CYRIA: variants seen among roughly 807,000 people sequenced by gnomAD.
CYRIA encodes CYFIP-related Rac1 interactor A.
A neutral mutation model predicts 43.9 loss-of-function variants in CYRIA; 15 were observed. The observed-to-expected ratio is 0.34, with a 90% CI of 0.23 to 0.53. CYRIA has a LOEUF of 0.53. CYRIA is among the 20% of genes least tolerant of loss of function. The pLI is 0.94. For missense variants in CYRIA, 236 were observed against 394.2 expected, an observed-to-expected ratio of 0.60 and a Z score of 3.40; for synonymous variants, 117 against 136.0, an observed-to-expected ratio of 0.86 and a Z score of 0.97.
intron 3 of CYRIA, among the ~76,000 whole-genome samples, chr2:16,575,626 C>A (rs6720009): frequency 6.6e-6 from 1 of 151,940 alleles, no homozygotes; most frequent in Admixed American, 6.6e-5. Context: ...GAGGCCGAGG[C>A]GGGCGGATCA....
At chr2:16,665,629 C>T (rs564271503) in intron 1 of CYRIA, among the ~76,000 whole-genome samples, 151 bp downstream of exon 1, 75 of 151,666 alleles carry the variant, frequency 4.9e-4, no homozygotes, top group African/African-American at 1.8e-3. Flanking sequence ...CCCTCCCTCC[C>T]AAAGGCTGCA....
At chr2:16,630,471 G>A (rs992975789) in intron 1 of CYRIA, among the ~76,000 whole-genome samples, 1 of 152,144 alleles carries the variant, frequency 6.6e-6, no homozygotes, top group African/African-American at 2.4e-5. Flanking sequence ...TCCCAAGGCT[G>A]TAGTTTAACA....
intron 2 of CYRIA, among the ~76,000 whole-genome samples, chr2:16,591,815 A>G (rs1667941331): frequency 6.6e-6 from 1 of 152,084 alleles, no homozygotes; most frequent in African/African-American, 2.4e-5. Context: ...TGAGTTTATT[A>G]CTTAAATATA....
chr2:16,559,075 A>G (rs1572454614), intron 10 of CYRIA, among the ~76,000 whole-genome samples: 1 of 152,202 alleles, frequency 6.6e-6, no homozygotes, highest in Middle Eastern at 3.4e-3. Flanking sequence ...GTAATTTGGG[A>G]TTTGACCATA....
intron 3 of CYRIA, among the ~76,000 whole-genome samples, chr2:16,576,162 A>T (rs1480356609): frequency 6.6e-6 from 1 of 152,194 alleles, no homozygotes; most frequent in Non-Finnish European, 1.5e-5. Flanking sequence ...GGATTCAACG[A>T]TATAGTTCCT....
intron 1 of CYRIA, among the ~76,000 whole-genome samples, chr2:16,663,150 A>G (rs746649070): frequency 3.3e-5 from 5 of 152,208 alleles, no homozygotes; most frequent in Admixed American, 6.5e-5. Flanking sequence ...AGATCTCCCA[A>G]TAGAACTAGG....
chr2:16,582,371 C>T (rs1334398102), intron 3 of CYRIA, among the ~76,000 whole-genome samples: 1 of 152,084 alleles, frequency 6.6e-6, no homozygotes, highest in Admixed American at 6.6e-5. Flanking sequence ...ATTCACGTGC[C>T]ATACGATTTG....
intron 3 of CYRIA, among the ~76,000 whole-genome samples, 199 bp from the exon 4 acceptor site, chr2:16,565,966 G>T (rs918077868): frequency 1.3e-5 from 2 of 152,116 alleles, no homozygotes; most frequent in African/African-American, 2.4e-5. Flanking sequence ...GTTTAAAATA[G>T]TCAATGATCT....
chr2:16,651,378 G>T (rs1445636224), intron 1 of CYRIA, among the ~76,000 whole-genome samples: 1 of 152,142 alleles, frequency 6.6e-6, no homozygotes, highest in South Asian at 2.1e-4. Flanking sequence ...GTAAAGCACC[G>T]CACTGCAGTG....
At chr2:16,570,264 T>G (rs1056098393) in intron 3 of CYRIA, among the ~76,000 whole-genome samples, 1 of 152,136 alleles carries the variant, frequency 6.6e-6, no homozygotes, top group Non-Finnish European at 1.5e-5. Context: ...TATAGTTATA[T>G]CTCTCCTGGT....
At chr2:16,578,307 A>G (rs1217078119) in intron 3 of CYRIA, among the ~76,000 whole-genome samples, 3 of 152,206 alleles carry the variant, frequency 2.0e-5, no homozygotes, top group East Asian at 3.9e-4. Flanking sequence ...TATTCACATC[A>G]GTCATCACTG....
At chr2:16,622,972 C>G (rs1295993097) in intron 2 of CYRIA, 1 of 152,318 alleles carries the variant, frequency 6.6e-6, no homozygotes, top group African/African-American at 2.4e-5. Flanking sequence ...TGAAATGCTT[C>G]TGGTTTTAGT....
At position 16,561,194 on chromosome 2, in the gene CYRIA, G is replaced by A; in HGVS notation, c.597C>T (p.Thr199=). Residue 199 remains threonine, a synonymous_variant, in exon 8 of 12, where the codon ACC becomes ACT. Coordinates refer to ENST00000381323, the MANE Select transcript of CYRIA (RefSeq NM_030797.4). Reference sequence around the variant, plus strand: ...CAAAGTGCATTGTGGCATTGCTAAGGGTTTTCAGCATTGGCGTGGCTTCTG... The same window carrying A: ...CAAAGTGCATTGTGGCATTGCTAAGAGTTTTCAGCATTGGCGTGGCTTCTG... ...FYAEATPMLK[T]LSNATMHFVS... The A allele has an allele frequency of 6.2e-7, 1 of 1,613,702 alleles. No individual in the cohort carries two copies. The highest frequency in any genetic ancestry group is 1.3e-5 in the African/African-American group (1 of 75,008).
intron 1 of CYRIA, among the ~76,000 whole-genome samples, chr2:16,664,586 G>A (rs180783349): frequency 2.6e-5 from 4 of 152,238 alleles, no homozygotes; most frequent in Non-Finnish European, 5.9e-5. Flanking sequence ...AAAGAACTCT[G>A]GTACCCAAGC....
chr2:16,627,145 C>T (rs547460234), intron 1 of CYRIA, among the ~76,000 whole-genome samples: 22 of 152,340 alleles, frequency 1.4e-4, no homozygotes, highest in African/African-American at 3.4e-4. Context: ...GAGCTTCAAA[C>T]GGCTGCTGCC....
chr2:16,563,675 T>C (rs1461205512), intron 5 of CYRIA, among the ~76,000 whole-genome samples: 1 of 152,206 alleles, frequency 6.6e-6, no homozygotes, highest in Non-Finnish European at 1.5e-5. Context: ...TGTTATCTTT[T>C]AACTTCTCTG....
At chr2:16,560,875 A>G (rs774410279) in intron 9 of CYRIA, 115 bp downstream of exon 9, 5 of 872,878 alleles carry the variant, frequency 5.7e-6, no homozygotes, top group Non-Finnish European at 9.6e-6. Flanking sequence ...AGCAGATAAT[A>G]TACATGAAAA....
intron 10 of CYRIA, among the ~76,000 whole-genome samples, chr2:16,556,582 T>G (rs1003447458): frequency 1.3e-5 from 2 of 152,112 alleles, no homozygotes; most frequent in Admixed American, 1.3e-4. Flanking sequence ...AAGGATGCAG[T>G]TGGGGCCAGA....
At chr2:16,613,926 C>T (rs999801765) in intron 2 of CYRIA, among the ~76,000 whole-genome samples, 11 of 152,202 alleles carry the variant, frequency 7.2e-5, no homozygotes, top group South Asian at 2.1e-4. Flanking sequence ...GAGAAGGAAA[C>T]GTGAATAGAC....
Sources: gnomAD v4.1 joint callset for allele counts (sites outside exome capture counted in the v4.1 genomes callset) on GRCh38, gnomAD v4.1.1 for gene constraint, MANE v1.5 for transcripts, NCBI Gene and HGNC (gene_info 2026-07-23, HGNC 2026-07-21) for gene names.